Variants in CDK8 observed in about 807,000 individuals in gnomAD.
CDK8 encodes cyclin-dependent kinase 8.
CDK8 carries 29 observed loss-of-function variants against 71.5 expected under a neutral mutation model. The ratio of observed to expected loss-of-function variants is 0.41; its 90% CI spans 0.30 to 0.55. The LOEUF (loss-of-function observed/expected upper bound fraction) is 0.55, where lower values mean the gene tolerates loss of function less well. Ranked by LOEUF, CDK8 falls within the 20% of genes least tolerant of loss-of-function variation. The pLI is 0.37. For missense variants in CDK8, 288 were observed against 572.6 expected, an observed-to-expected ratio of 0.50 and a Z score of 5.07; for synonymous variants, 161 against 192.1, an observed-to-expected ratio of 0.84 and a Z score of 1.34.
At chr13:26,257,305 T>A (rs902700690) in intron 1 of CDK8, among the ~76,000 whole-genome samples, 58 of 152,208 alleles carry the variant, frequency 3.8e-4, no homozygotes, top group African/African-American at 1.3e-3. Context: ...AGTTGCCCAG[T>A]GAGCATAGAA....
intron 7 of CDK8, among the ~76,000 whole-genome samples, chr13:26,395,779 C>G (rs1386477582): frequency 6.6e-6 from 1 of 152,078 alleles, no homozygotes; most frequent in African/African-American, 2.4e-5. Flanking sequence ...ATTACCCCTT[C>G]TTCCATTGAT....
At chr13:26,366,287 C>G (rs1874383728) in intron 4 of CDK8, among the ~76,000 whole-genome samples, 1 of 152,028 alleles carries the variant, frequency 6.6e-6, no homozygotes, top group East Asian at 1.9e-4. Context: ...GAAACAAGCA[C>G]AAGCAGAGAG....
chr13:26,328,055 G>C (rs1875105997), intron 1 of CDK8, among the ~76,000 whole-genome samples: 1 of 150,650 alleles, frequency 6.6e-6, no homozygotes, highest in South Asian at 2.1e-4. Context: ...AAGCAACTTA[G>C]GCTGTTCATT....
chr13:26,403,145 G>T (rs925575631), intron 12 of CDK8, among the ~76,000 whole-genome samples: 1 of 152,160 alleles, frequency 6.6e-6, no homozygotes, highest in African/African-American at 2.4e-5. Context: ...TTAGAATTGA[G>T]AATACCGTCC....
intron 1 of CDK8, among the ~76,000 whole-genome samples, chr13:26,298,440 G>A (rs1873666077): frequency 6.6e-6 from 1 of 152,100 alleles, no homozygotes; most frequent in South Asian, 2.1e-4. Context: ...AGGTGAGGTG[G>A]ACAGTGAAAC....
At chr13:26,289,043 C>G (rs1434863603) in intron 1 of CDK8, among the ~76,000 whole-genome samples, 1 of 140,702 alleles carries the variant, frequency 7.1e-6, no homozygotes, top group African/African-American at 2.7e-5. Flanking sequence ...CCAGACTAAG[C>G]TTCTGTAGTT....
intron 9 of CDK8, among the ~76,000 whole-genome samples, chr13:26,399,216 A>G (rs901388934): frequency 1.3e-5 from 2 of 151,790 alleles, no homozygotes; most frequent in Non-Finnish European, 2.9e-5. Flanking sequence ...CACCATGTTG[A>G]CCAGGCTGGT....
chr13:26,336,142 C>T (rs202226702), intron 1 of CDK8, among the ~76,000 whole-genome samples: 26 of 151,084 alleles, frequency 1.7e-4, no homozygotes, highest in African/African-American at 5.6e-4. Flanking sequence ...CACACACACA[C>T]ATACACACAT....
At chr13:26,265,506 G>T (rs1416729955) in intron 1 of CDK8, among the ~76,000 whole-genome samples, 1 of 152,154 alleles carries the variant, frequency 6.6e-6, no homozygotes, top group South Asian at 2.1e-4. Flanking sequence ...TATCACTCGT[G>T]GCTCCAGAAT....
rs1177946788 is a variant in CDK8 at position 26,357,950 on chromosome 13, A to G, written c.456+4070A>G. Among the ~76,000 whole-genome samples the G allele has an allele frequency of 2.0e-5, 3 of 152,232 alleles. No homozygotes were observed. In the East Asian group the frequency reaches 5.8e-4, roughly 29 times the overall value. Reference sequence around the variant, plus strand: ...CAACAAAACATTCACGGAAACATTCAGAATAATGTTTGACCAAACATCTGG... The same window carrying G: ...CAACAAAACATTCACGGAAACATTCGGAATAATGTTTGACCAAACATCTGG... On this transcript the variant is annotated intron_variant, in intron 4 of 12. Coordinates refer to ENST00000381527, the MANE Select transcript of CDK8 (RefSeq NM_001260.3).
chr13:26,316,037 C>G (rs1161887851), intron 1 of CDK8, among the ~76,000 whole-genome samples: 1 of 152,180 alleles, frequency 6.6e-6, no homozygotes, highest in Non-Finnish European at 1.5e-5. Flanking sequence ...AATCTGTGCT[C>G]TGATCACTGA....
intron 1 of CDK8, among the ~76,000 whole-genome samples, chr13:26,298,696 CAGAG>C (rs1372836833): frequency 2.6e-5 from 4 of 152,132 alleles, no homozygotes; most frequent in Admixed American, 2.0e-4. Flanking sequence ...TTGTGGCACT[CAGAG>C]AGACCTTGAG....
chr13:26,269,337 G>A (rs1185113155), intron 1 of CDK8, among the ~76,000 whole-genome samples: 1 of 152,106 alleles, frequency 6.6e-6, no homozygotes, highest in Non-Finnish European at 1.5e-5. Flanking sequence ...ACCTATTTTA[G>A]TACAAATGAG....
chr13:26,404,021 G>C lies in CDK8; in HGVS notation c.1335G>C (p.Met445Ile). 3.1e-6 allele frequency: 5 copies of C among 1,613,970 alleles called. No homozygotes were observed. The highest frequency in any genetic ancestry group is 3.4e-6 in the Non-Finnish European group (4 of 1,179,980). The change falls in exon 13 of 13, where the codon ATG becomes ATC. Residue 445 changes from methionine to isoleucine, a missense_variant. Met to Ile is a conservative substitution (Grantham distance 10, BLOSUM62 1). Coordinates refer to ENST00000381527, the MANE Select transcript of CDK8 (RefSeq NM_001260.3). ...GPSTSQPQSS[M>I]GYSATSQQPP... The stretch of plus-strand genomic sequence containing the variant: ...GCACATCACAGCCGCAGAGCAGCAT[G>C]GGATACTCAGCTACCTCCCAGCAGC...
chr13:26,309,141 A>ATT (rs71080250), intron 1 of CDK8, among the ~76,000 whole-genome samples: 1 of 128,926 alleles, frequency 7.8e-6, no homozygotes, highest in African/African-American at 2.9e-5. Flanking sequence ...ATGTATATAG[A>ATT]TTTTTTTTTT....
chr13:26,328,411 G>A (rs1177818), intron 1 of CDK8, among the ~76,000 whole-genome samples: 144,117 of 152,286 alleles, frequency 0.95, 68,239 homozygotes, highest in East Asian at 1. Context: ...CTGGTTGACT[G>A]TTCCAGAATA....
intron 1 of CDK8, among the ~76,000 whole-genome samples, chr13:26,287,841 A>G (rs576199330): frequency 6.6e-6 from 1 of 151,894 alleles, no homozygotes; most frequent in South Asian, 2.1e-4. Context: ...AAGACTATAA[A>G]GTGCTAGGAG....
intron 4 of CDK8, among the ~76,000 whole-genome samples, chr13:26,371,625 T>G (rs907857414): frequency 1.3e-5 from 2 of 151,986 alleles, no homozygotes; most frequent in Non-Finnish European, 2.9e-5. Flanking sequence ...TACCTTGACT[T>G]TTTTTTTGGA....
Position 26,401,516 on chromosome 13 carries a change from C to A in CDK8, c.1161C>A (p.His387Gln), listed in dbSNP as rs145770778. ...QGNNHTNGTG[H>Q]PGNQDSSHTQ... The stretch of plus-strand genomic sequence containing the variant: ...ATAACCACACTAATGGAACTGGCCA[C>A]CCAGGGAATCAAGACAGCAGTCACA... The change falls in exon 12 of 13, where the codon CAC becomes CAA. Residue 387 changes from histidine (H) to glutamine (Q), a missense_variant. Physicochemically the swap from His to Gln is conservative, Grantham distance 24. Coordinates refer to ENST00000381527, the MANE Select transcript of CDK8 (RefSeq NM_001260.3). The surrounding 1 kb of genome is among the most constrained non-coding windows in gnomAD (Gnocchi z 4.5). 73 of 1,614,054 alleles carry A rather than the reference C, an allele frequency of 4.5e-5. No individual in the cohort carries two copies. Among genetic ancestry groups the A allele is most frequent in the Non-Finnish European group, 6.0e-5 (71 of 1,180,022 alleles).
Sources: gnomAD v4.1 joint callset for allele counts (sites outside exome capture counted in the v4.1 genomes callset) on GRCh38, gnomAD v4.1.1 for gene constraint, Gnocchi (gnomAD v3.1) non-coding constraint, MANE v1.5 for transcripts, NCBI Gene and HGNC (gene_info 2026-07-23, HGNC 2026-07-21) for gene names.